Variants in PTK2 observed in about 807,000 individuals in gnomAD.
The protein encoded by PTK2 is protein tyrosine kinase 2.
A neutral mutation model predicts 150.1 loss-of-function variants in PTK2; 45 were observed. The observed-to-expected ratio is 0.30, with a 90% CI of 0.24 to 0.38. The LOEUF (loss-of-function observed/expected upper bound fraction) is 0.38. Among genes scored for constraint, PTK2 ranks in the 10% least tolerant of loss-of-function variants. The pLI is 1.00. For synonymous variants in PTK2, 432 were observed against 449.2 expected (o/e 0.96, Z 0.48); for missense variants, 919 against 1,307.3 (o/e 0.70, Z 4.58).
At chr8:140,988,743 A>G (rs1263674971) in intron 1 of PTK2, among the ~76,000 whole-genome samples, 1 of 151,586 alleles carries the variant, frequency 6.6e-6, no homozygotes. Flanking sequence ...AAAAAAAAAA[A>G]AAAAAAAAGA....
intron 5 of PTK2, among the ~76,000 whole-genome samples, chr8:140,854,938 A>G (rs999406705): frequency 1.3e-4 from 20 of 152,304 alleles, no homozygotes; most frequent in Admixed American, 4.6e-4. Flanking sequence ...TAATTTAAAC[A>G]TAATTATTTT....
At chr8:140,753,735 AGAT>A (rs1235474345) in intron 16 of PTK2, among the ~76,000 whole-genome samples, 3 of 152,224 alleles carry the variant, frequency 2.0e-5, no homozygotes, top group African/African-American at 7.2e-5. Context: ...CATAACACAG[AGAT>A]AATATTGTCA....
chr8:140,900,878 A>G (rs2100158182), intron 2 of PTK2, among the ~76,000 whole-genome samples: 1 of 151,220 alleles, frequency 6.6e-6, no homozygotes, highest in Non-Finnish European at 1.5e-5. Context: ...AATACCAATG[A>G]CATTCTTCGC....
At chr8:140,676,129 C>T (rs2100013493) in intron 27 of PTK2, among the ~76,000 whole-genome samples, 1 of 152,186 alleles carries the variant, frequency 6.6e-6, no homozygotes, top group Admixed American at 6.5e-5. Flanking sequence ...GTAATCCCAG[C>T]ACTCTGGGAG....
chr8:140,770,859 G>A (rs2100075098), intron 14 of PTK2, 60 bp from the exon 15 acceptor site: 2 of 851,750 alleles, frequency 2.3e-6, no homozygotes, highest in South Asian at 2.2e-5. Flanking sequence ...CAATACAAAA[G>A]ACAACTTTTG....
chr8:140,769,002 A>C (rs1221730134), intron 14 of PTK2, among the ~76,000 whole-genome samples: 1 of 152,152 alleles, frequency 6.6e-6, no homozygotes, highest in Non-Finnish European at 1.5e-5. Context: ...AGGAGGATAA[A>C]GTTTCATGCA....
At chr8:140,890,678 A>T in exon 3 of PTK2, 2 of 1,614,072 alleles carry the variant, frequency 1.2e-6, no homozygotes, top group Admixed American at 1.7e-5. Flanking sequence ...TACCCAGGTG[A>T]GTCTTAGTAC....
intron 23 of PTK2, among the ~76,000 whole-genome samples, chr8:140,713,323 C>T (rs557988756): frequency 2.6e-5 from 4 of 152,108 alleles, no homozygotes; most frequent in Admixed American, 6.5e-5. Flanking sequence ...TGCAGTGGCG[C>T]GATCTCAGCT....
intron 5 of PTK2, among the ~76,000 whole-genome samples, chr8:140,858,369 G>A (rs2100134019): frequency 6.8e-6 from 1 of 146,762 alleles, no homozygotes; most frequent in South Asian, 2.3e-4. Context: ...CAGAAATGAT[G>A]AAAACGACAT....
rs1181421194 is a variant in PTK2, at chr8:140,693,564, T to TTAAAAAAAAAAAAAAA, written c.2500-6871_2500-6870insTTTTTTTTTTTTTTTA. On this transcript the variant is annotated intron_variant, in intron 26 of 31. Transcript: ENST00000522684. ...CCACAGAGTGAGACTTTGTCTCAAT[T>TTAAAAAAAAAAAAAAA]AAAAAAAAAAAAAAAAAAAAAAAAA... is the stretch of plus-strand genomic sequence containing the variant. 2.8e-4 allele frequency among the ~76,000 whole-genome samples: 20 copies of TTAAAAAAAAAAAAAAA among 72,458 alleles called. 8 individuals carry two copies. The highest frequency in any genetic ancestry group is 1.1e-3 in the African/African-American group (19 of 16,654). The allele number at this position is 72,458 out of a possible 152,430, so 47.5% of individuals were successfully genotyped here.
At chr8:140,673,311 T>C (rs1261934560) in intron 29 of PTK2, among the ~76,000 whole-genome samples, 2 of 152,094 alleles carry the variant, frequency 1.3e-5, no homozygotes, top group Non-Finnish European at 2.9e-5. Context: ...GGTTTCACCA[T>C]GTTGGCCAGG....
chr8:140,717,763 A>T, intron 22 of PTK2, 54 bp from the exon 26 acceptor site: 2 of 1,381,670 alleles, frequency 1.4e-6, no homozygotes, highest in Admixed American at 3.4e-5. Flanking sequence ...GTTAGCACAC[A>T]CTAGACCCCA....
At chr8:140,661,612 A>T (rs1384703649) in intron 31 of PTK2, among the ~76,000 whole-genome samples, 1 of 152,194 alleles carries the variant, frequency 6.6e-6, no homozygotes, top group African/African-American at 2.4e-5. Flanking sequence ...CAGAGTGAAA[A>T]AGTATTTTTT....
At chr8:140,815,446 G>GA (rs2100104151) in intron 10 of PTK2, among the ~76,000 whole-genome samples, 1 of 152,070 alleles carries the variant, frequency 6.6e-6, no homozygotes, top group Non-Finnish European at 1.5e-5. Context: ...AGGGGATTGG[G>GA]AAAAATAACT....
chr8:140,807,352 C>T (rs116910216), intron 10 of PTK2, among the ~76,000 whole-genome samples: 4,207 of 152,268 alleles, frequency 0.028, 71 homozygotes, highest in Middle Eastern at 0.065. Flanking sequence ...TTGAGCAACA[C>T]GAGCTTAAGA....
chr8:140,821,516 T>C (rs1236386641), intron 8 of PTK2: 1 of 152,234 alleles, frequency 6.6e-6, no homozygotes, highest in African/African-American at 2.4e-5. Context: ...TAAAGTCATG[T>C]TAACCCTGTA....
intron 1 of PTK2, among the ~76,000 whole-genome samples, chr8:140,977,861 T>C (rs900242391): frequency 6.6e-6 from 1 of 152,006 alleles, no homozygotes; most frequent in South Asian, 2.1e-4. Context: ...AGAACTTTAG[T>C]TCCCTACAGT....
chr8:140,667,896 C>G (rs1194016132), intron 30 of PTK2, among the ~76,000 whole-genome samples: 1 of 152,136 alleles, frequency 6.6e-6, no homozygotes, highest in East Asian at 1.9e-4. Flanking sequence ...CCACATCTCC[C>G]TAAGTCTTAC....
chr8:140,936,452 A>T (rs372325296), intron 1 of PTK2, among the ~76,000 whole-genome samples: 1 of 152,120 alleles, frequency 6.6e-6, no homozygotes, highest in African/African-American at 2.4e-5. Flanking sequence ...CTAAAAGCAA[A>T]AAGAACAACT....
Sources: gnomAD v4.1 joint callset for allele counts (sites outside exome capture counted in the v4.1 genomes callset) on GRCh38, gnomAD v4.1.1 for gene constraint, MANE v1.5 for transcripts, NCBI Gene and HGNC (gene_info 2026-07-23, HGNC 2026-07-21) for gene names.